PEF1: variants seen among roughly 807,000 people sequenced by gnomAD.
PEF1 encodes the protein peflin.
A neutral mutation model predicts 32.0 loss-of-function variants in PEF1; 17 were observed. The observed-to-expected ratio is 0.53, with a 90% CI of 0.36 to 0.80. PEF1 has a LOEUF of 0.80. Among genes scored for constraint, PEF1 ranks in the 30% least tolerant of loss-of-function variants. The probability of loss-of-function intolerance (pLI) is 0.00; values close to 1 mark genes in which losing one functional copy is unlikely to be tolerated. For synonymous variants in PEF1, 130 were observed against 139.8 expected (o/e 0.93, Z 0.50); for missense variants, 362 against 369.1 (o/e 0.98, Z 0.16).
Position 31,635,460 on chromosome 1 carries a change from G to A in PEF1, c.87C>T (p.Pro29=), listed in dbSNP as rs778738466. 8.2e-6 allele frequency: 13 copies of A among 1,577,206 alleles called. No homozygotes were observed. The highest frequency in any genetic ancestry group is 1.1e-5 in the Non-Finnish European group (13 of 1,159,332). Residue 29 remains proline (P), a synonymous_variant, in exon 2 of 5, where the codon CCC becomes CCT. Transcript: ENST00000373703. The part of the protein sequence containing the change: ...GAPPGSYYPG[P]PNSGGQYGSG... ...TACCATACTGCCCTCCACTATTGGG[G>A]GGTCCAGGGTAGTAGCTACCCGGAG... is the stretch of plus-strand genomic sequence containing the variant.
At chr1:31,637,777 C>T (rs1365999815) in intron 1 of PEF1, among the ~76,000 whole-genome samples, 2 of 152,090 alleles carry the variant, frequency 1.3e-5, no homozygotes, top group Non-Finnish European at 2.9e-5. Flanking sequence ...ATGGAACCCC[C>T]TCCCTTGCTA....
rs958737000 is a variant in PEF1, at chr1:31,631,457, A to G, written c.626-615T>C. ...GTCTCTTGGAGCATCCTGTCTCTTC[A>G]CTGGGATGCTTCCTTCCTTCCTCTG... On this transcript the variant is annotated intron_variant, in intron 4 of 4. Transcript: ENST00000373703. Among the ~76,000 whole-genome samples, 6 of 152,174 alleles carry G rather than the reference A, an allele frequency of 3.9e-5. No homozygotes were observed. In the East Asian group the frequency reaches 1.2e-3, roughly 29 times the overall value.
chr1:31,635,454 A>G lies in PEF1; in HGVS notation c.93T>C (p.Asn31=), dbSNP rs751665069. Residue 31 remains asparagine (N), a synonymous_variant, in exon 2 of 5, where the codon AAT becomes AAC. Coordinates refer to ENST00000373703, the MANE Select transcript of PEF1 (RefSeq NM_012392.4). ...GCCCACTACCATACTGCCCTCCACT[A>G]TTGGGGGGTCCAGGGTAGTAGCTAC... The part of the protein sequence containing the change: ...PPGSYYPGPP[N]SGGQYGSGLP... The G allele has an allele frequency of 7.5e-6, 12 of 1,595,930 alleles. No homozygotes were observed. The highest frequency in any genetic ancestry group is 5.4e-5 in the African/African-American group (4 of 74,350).
intron 1 of PEF1, among the ~76,000 whole-genome samples, chr1:31,638,331 G>C (rs1010612055): frequency 6.6e-6 from 1 of 152,122 alleles, no homozygotes; most frequent in African/African-American, 2.4e-5. Flanking sequence ...GACAAGGCTG[G>C]ACCACTCCCT....
intron 1 of PEF1, among the ~76,000 whole-genome samples, chr1:31,642,884 C>T (rs1424623322): frequency 1.3e-5 from 2 of 152,166 alleles, no homozygotes; most frequent in Non-Finnish European, 2.9e-5. Context: ...GGCTCAGAGC[C>T]CTTAGTTTGT....
At chr1:31,635,762 C>T (rs983730617) in intron 1 of PEF1, among the ~76,000 whole-genome samples, 3 of 152,198 alleles carry the variant, frequency 2.0e-5, no homozygotes, top group African/African-American at 4.8e-5. Context: ...TTTCCTAACT[C>T]TCCTTTCCTG....
intron 1 of PEF1, among the ~76,000 whole-genome samples, chr1:31,637,104 T>A (rs549354580): frequency 3.7e-4 from 57 of 152,216 alleles, no homozygotes; most frequent in Non-Finnish European, 7.5e-4. Flanking sequence ...TTGAAATAAT[T>A]ACTCTTAAGG....
At position 31,633,231 on chromosome 1, in the gene PEF1, T is replaced by G; in HGVS notation, c.409A>C (p.Lys137Gln). 6.2e-7 allele frequency: 1 copy of G among 1,614,080 alleles called. No individual in the cohort carries two copies. The highest frequency in any genetic ancestry group is 8.5e-7 in the Non-Finnish European group (1 of 1,179,996). Residue 137 changes from lysine to glutamine, a missense_variant, in exon 3 of 5, where the codon AAG (lysine) becomes CAG (glutamine). Coordinates refer to ENST00000373703, the MANE Select transcript of PEF1 (RefSeq NM_012392.4). ...TTGACCAGGGCCTGCTTTAGCTCCTTCATGGAGATATAGCCACTGTGATCT... is the reference window on the plus strand; with the variant it reads ...TTGACCAGGGCCTGCTTTAGCTCCTGCATGGAGATATAGCCACTGTGATCT... The part of the protein sequence containing the change: ...DSDHSGYISM[K>Q]ELKQALVNCN...
At chr1:31,637,367 T>C (rs965903885) in intron 1 of PEF1, among the ~76,000 whole-genome samples, 5 of 152,208 alleles carry the variant, frequency 3.3e-5, no homozygotes, top group African/African-American at 9.6e-5. Context: ...CCTTCCTCAC[T>C]GGACTGTTCT....
chr1:31,635,593 C>A, intron 1 of PEF1, 71 bp from the exon 2 acceptor site: 1 of 1,379,648 alleles, frequency 7.2e-7, no homozygotes, highest in Non-Finnish European at 9.6e-7. Flanking sequence ...ACTTTACAAC[C>A]ATAAAGCACT....
intron 1 of PEF1, among the ~76,000 whole-genome samples, chr1:31,636,715 T>C (rs1640262774): frequency 6.6e-6 from 1 of 152,208 alleles, no homozygotes; most frequent in Non-Finnish European, 1.5e-5. Context: ...AATAGCCTCC[T>C]ACAGAGGACA....
chr1:31,644,316 G>A (rs1640487840), intron 1 of PEF1: 2 of 956,844 alleles, frequency 2.1e-6, no homozygotes, highest in Admixed American at 6.0e-5. Flanking sequence ...GTGTCTTCTC[G>A]GGGTTCACTT....
At chr1:31,632,140 T>C (rs973021670) in intron 4 of PEF1, among the ~76,000 whole-genome samples, 5 of 152,202 alleles carry the variant, frequency 3.3e-5, no homozygotes, top group African/African-American at 1.2e-4. Flanking sequence ...GCTCTTTCCA[T>C]TCTACATGCT....
At chr1:31,638,319 G>C (rs1248074289) in intron 1 of PEF1, among the ~76,000 whole-genome samples, 1 of 152,150 alleles carries the variant, frequency 6.6e-6, no homozygotes, top group Non-Finnish European at 1.5e-5. Flanking sequence ...GCTGGAGGAA[G>C]AGACAAGGCT....
At chr1:31,641,481 G>C (rs1254053767) in intron 1 of PEF1, among the ~76,000 whole-genome samples, 1 of 152,126 alleles carries the variant, frequency 6.6e-6, no homozygotes, top group Non-Finnish European at 1.5e-5. Context: ...AGGCATACAA[G>C]GCCCTTTGGG....
Position 31,644,854 on chromosome 1 carries a change from T to C in PEF1, c.11A>G (p.Tyr4Cys), listed in dbSNP as rs767723197. 1.2e-6 allele frequency: 2 copies of C among 1,613,966 alleles called. No individual in the cohort carries two copies. Among genetic ancestry groups the C allele is most frequent in the Non-Finnish European group, 1.7e-6 (2 of 1,179,908 alleles). ...TCACACACTCACCTGCCGGTAAGGA[T>C]AGCTGGCCATGGTGATTCTGACGTC... MAS[Y>C]PYRQGCPGAA... Residue 4 changes from tyrosine (Y) to cysteine (C), a missense_variant, in exon 1 of 5, where the codon TAT becomes TGT. Transcript: ENST00000373703.
rs1468602435 is a variant in PEF1 at position 31,630,755 on chromosome 1, A to G, written c.713T>C (p.Met238Thr). The G allele has an allele frequency of 6.2e-7, 1 of 1,614,164 alleles. No individual in the cohort carries two copies. Among genetic ancestry groups the G allele is most frequent in the Admixed American group, 1.7e-5 (1 of 60,020 alleles). ...CACCTGGATGAAGCGGTCAAGCTGC[A>G]TGGCAGGATTGGCAGAGCGTGGGCA... is the stretch of plus-strand genomic sequence containing the variant. Reference protein sequence around the residue: ...RYCPRSANPAMQLDRFIQVCT... With the variant: ...RYCPRSANPATQLDRFIQVCT... Residue 238 changes from methionine (M) to threonine (T), a missense_variant, in exon 5 of 5, where the codon ATG (methionine) becomes ACG (threonine). By Grantham distance (81) the Met-to-Thr change is moderately conservative. Coordinates refer to ENST00000373703, the MANE Select transcript of PEF1 (RefSeq NM_012392.4).
At chr1:31,641,253 T>C (rs1364465710) in intron 1 of PEF1, among the ~76,000 whole-genome samples, 2 of 152,114 alleles carry the variant, frequency 1.3e-5, no homozygotes, top group Non-Finnish European at 2.9e-5. Flanking sequence ...TTTTCTCAAA[T>C]CTACCTCCCA....
At chr1:31,638,443 G>A (rs1250735553) in intron 1 of PEF1, among the ~76,000 whole-genome samples, 1 of 152,242 alleles carries the variant, frequency 6.6e-6, no homozygotes, top group African/African-American at 2.4e-5. Flanking sequence ...GAACTCTGCA[G>A]AATCTGGGCA....
Sources: allele counts gnomAD v4.1 joint callset (sites outside exome capture counted in the v4.1 genomes callset), GRCh38; gene constraint gnomAD v4.1.1; transcripts MANE v1.5; gene names NCBI Gene and HGNC (gene_info 2026-07-23, HGNC 2026-07-21).